Variants in GATA4 observed in about 807,000 individuals in gnomAD.
The protein encoded by GATA4 is GATA binding protein 4, also known as transcription factor GATA-4.
GATA4 carries 7 observed loss-of-function variants against 37.9 expected under a neutral mutation model. That is an observed-to-expected ratio of 0.18 (90% CI 0.11 to 0.35). The LOEUF (loss-of-function observed/expected upper bound fraction) is 0.35, where lower values mean the gene tolerates loss of function less well. Ranked by LOEUF, GATA4 falls within the 10% of genes least tolerant of loss-of-function variation. GATA4 has a pLI of 1.00. For missense variants in GATA4, 647 were observed against 653.0 expected, an observed-to-expected ratio of 0.99 and a Z score of 0.10; for synonymous variants, 372 against 292.6, an observed-to-expected ratio of 1.27 and a Z score of -2.77.
chr8:11,696,973 T>A (rs1234289777), intron 1 of GATA4, among the ~76,000 whole-genome samples: 2 of 152,150 alleles, frequency 1.3e-5, no homozygotes, highest in Non-Finnish European at 2.9e-5. Context: ...ACTTTGCCCC[T>A]CACTGGCGGA....
chr8:11,741,648 A>T (rs1018102318), intron 2 of GATA4, among the ~76,000 whole-genome samples: 1 of 152,144 alleles, frequency 6.6e-6, no homozygotes, highest in Admixed American at 6.5e-5. Context: ...GGAAATCTTT[A>T]TGCTGTAATT....
At chr8:11,743,823 T>C (rs1483153880) in intron 2 of GATA4, among the ~76,000 whole-genome samples, 2 of 152,186 alleles carry the variant, frequency 1.3e-5, no homozygotes, top group African/African-American at 4.8e-5. Context: ...GTTTAATTGA[T>C]AGGAATATCC....
rs755132897 is a variant in GATA4, at chr8:11,718,912, GC to G, written c.616+9985del. ...AAACCCCTCGGGACCATGCCAGGAG[GC>G]GCTCATTGACCCATTCCGAGCAGGT... On this transcript the variant is annotated intron_variant, in intron 2 of 6. Transcript: ENST00000532059. Among the ~76,000 whole-genome samples the G allele has an allele frequency of 9.2e-5, 14 of 152,370 alleles. 1 individual carries two copies. The Middle Eastern group carries it at 0.014, about 148-fold the overall frequency.
chr8:11,680,252 G>A (rs1169091295), intron 1 of GATA4, among the ~76,000 whole-genome samples: 1 of 152,230 alleles, frequency 6.6e-6, no homozygotes, highest in Non-Finnish European at 1.5e-5. Context: ...GAGTGGGCAG[G>A]CGGGAGACCA....
At chr8:11,737,764 G>C (rs978882547) in intron 2 of GATA4, among the ~76,000 whole-genome samples, 5 of 152,174 alleles carry the variant, frequency 3.3e-5, no homozygotes, top group African/African-American at 1.2e-4. Flanking sequence ...GAAGGTGGGA[G>C]AAAAGATGCT....
chr8:11,693,192 G>A (rs936231481), intron 1 of GATA4: 5 of 685,684 alleles, frequency 7.3e-6, no homozygotes, highest in Non-Finnish European at 9.0e-6. Flanking sequence ...CAAGCTGGGC[G>A]CGGTGGCGCA....
At chr8:11,748,034 C>G (rs1374181225) in intron 2 of GATA4, among the ~76,000 whole-genome samples, 1 of 151,838 alleles carries the variant, frequency 6.6e-6, no homozygotes, top group Non-Finnish European at 1.5e-5. Context: ...TTGAGACCAG[C>G]CTGATGAAAC....
chr8:11,717,845 G>C (rs1466580859), intron 2 of GATA4, among the ~76,000 whole-genome samples: 1 of 152,200 alleles, frequency 6.6e-6, no homozygotes, highest in East Asian at 1.9e-4. Flanking sequence ...AGGAATCCCA[G>C]TGTTGCACAA....
At chr8:11,688,214 T>C (rs1408045572), upstream of GATA4, among the ~76,000 whole-genome samples, 1 of 152,170 alleles carries the variant, frequency 6.6e-6, no homozygotes, top group Non-Finnish European at 1.5e-5. Flanking sequence ...GAAAAACAAA[T>C]TGATTTTCAA....
At chr8:11,734,835 G>A (rs1052404573) in intron 2 of GATA4, among the ~76,000 whole-genome samples, 41 of 152,282 alleles carry the variant, frequency 2.7e-4, no homozygotes, top group South Asian at 1.2e-3. Flanking sequence ...TGAGGGCTCC[G>A]TCCGATGGCC....
chr8:11,699,043 C>A (rs980517777), intron 1 of GATA4, among the ~76,000 whole-genome samples: 45 of 152,154 alleles, frequency 3.0e-4, no homozygotes, highest in African/African-American at 1.1e-3. Flanking sequence ...TATTAACAGC[C>A]CTTTTTAAAA....
At chr8:11,756,792 C>G (rs1471640055) in intron 5 of GATA4, 143 bp from the exon 6 acceptor site, 4 of 1,087,586 alleles carry the variant, frequency 3.7e-6, no homozygotes, top group Non-Finnish European at 5.6e-6. Flanking sequence ...CTGTAGCCCT[C>G]CGCAGATAAG....
At chr8:11,695,571 T>TCCTTGGCTTAC (rs1489587222) in intron 1 of GATA4, among the ~76,000 whole-genome samples, 5 of 152,190 alleles carry the variant, frequency 3.3e-5, no homozygotes, top group Admixed American at 1.3e-4. Context: ...TCAAGGCCAG[T>TCCTTGGCTTAC]CCTTGGCTTA....
intron 5 of GATA4, among the ~76,000 whole-genome samples, chr8:11,755,459 A>C (rs1563232099): frequency 6.6e-6 from 1 of 152,232 alleles, no homozygotes; most frequent in Non-Finnish European, 1.5e-5. Flanking sequence ...TTGGCGCTGC[A>C]GCCACCCAAA....
rs115211874 is a variant in GATA4 at position 11,694,199 on chromosome 8, A to C, written c.-729+1539A>C. Among the ~76,000 whole-genome samples the C allele has an allele frequency of 4.6e-3, 698 of 152,326 alleles. 8 individuals carry two copies. Among genetic ancestry groups the C allele is most frequent in the African/African-American group, 0.014 (580 of 41,566 alleles). ...TCTACAAGTTTGCATGATGCCTGGC[A>C]CATAGTAAACATTCAATAAATGTTT... On this transcript the variant is annotated intron_variant, in intron 1 of 2. Transcript: ENST00000526974.
At chr8:11,702,799 G>A (rs899379991), upstream of GATA4, among the ~76,000 whole-genome samples, 4 of 152,178 alleles carry the variant, frequency 2.6e-5, no homozygotes, top group African/African-American at 9.7e-5. The surrounding 1 kb of genome is among the most constrained non-coding windows in gnomAD (Gnocchi z 4.4). Flanking sequence ...TCGCCGCTCG[G>A]CGCCCCAGGC....
At chr8:11,726,500 A>T (rs147391115) in intron 2 of GATA4, among the ~76,000 whole-genome samples, 2 of 152,246 alleles carry the variant, frequency 1.3e-5, no homozygotes, top group Non-Finnish European at 2.9e-5. Context: ...GCAGGTGGAG[A>T]TGTCCCAGGG....
chr8:11,692,643 A>G, exon 1 of GATA4: 1 of 984,486 alleles, frequency 1.0e-6, no homozygotes, highest in Non-Finnish European at 1.2e-6. Flanking sequence ...TCTGCGCCTC[A>G]GCCGACCTCC....
intron 4 of GATA4, among the ~76,000 whole-genome samples, chr8:11,753,627 G>A (rs1802411283): frequency 6.6e-6 from 1 of 152,110 alleles, no homozygotes; most frequent in Admixed American, 6.5e-5. Context: ...TCCACAAGGT[G>A]GGAAATAGGG....
Sources: gnomAD v4.1 joint callset for allele counts (sites outside exome capture counted in the v4.1 genomes callset) on GRCh38, gnomAD v4.1.1 for gene constraint, Gnocchi (gnomAD v3.1) non-coding constraint, MANE v1.5 for transcripts, NCBI Gene and HGNC (gene_info 2026-07-23, HGNC 2026-07-21) for gene names.